The following IGF1R variants were observed in gnomAD, a reference collection of about 807,000 sequenced individuals.
IGF1R encodes insulin-like growth factor 1 receptor.
In IGF1R, 44 loss-of-function variants were observed where a neutral mutation model predicts 144.6. The observed-to-expected ratio is 0.30, with a 90% CI of 0.24 to 0.39. The LOEUF is 0.39. Ranked by LOEUF, IGF1R falls within the 10% of genes least tolerant of loss-of-function variation. IGF1R has a pLI of 1.00. For synonymous variants in IGF1R, 795 were observed against 722.8 expected (o/e 1.10, Z -1.60); for missense variants, 1,355 against 1,833.7 (o/e 0.74, Z 4.77).
At chr15:98,806,847 G>A (rs1051346168) in intron 2 of IGF1R, among the ~76,000 whole-genome samples, 5 of 152,144 alleles carry the variant, frequency 3.3e-5, no homozygotes, top group Non-Finnish European at 7.3e-5. Context: ...TAAGCCTAAC[G>A]TGATCATTAA....
chr15:98,671,249 T>C (rs1043668134), intron 1 of IGF1R, among the ~76,000 whole-genome samples: 7 of 152,232 alleles, frequency 4.6e-5, no homozygotes, highest in African/African-American at 1.7e-4. Context: ...GTATAGTCTT[T>C]CCTGAAAACA....
intron 2 of IGF1R, among the ~76,000 whole-genome samples, chr15:98,806,784 G>C (rs1423298910): frequency 6.6e-6 from 1 of 152,170 alleles, no homozygotes; most frequent in Non-Finnish European, 1.5e-5. Context: ...ACCAGTGTTA[G>C]GCCCATACAT....
chr15:98,817,771 A>G (rs981701748), intron 2 of IGF1R, among the ~76,000 whole-genome samples: 2 of 152,206 alleles, frequency 1.3e-5, no homozygotes, highest in Non-Finnish European at 2.9e-5. Flanking sequence ...GAAGTTGAAT[A>G]GTCTTCCATA....
intron 1 of IGF1R, among the ~76,000 whole-genome samples, chr15:98,688,430 G>A (rs1596188429): frequency 8.2e-6 from 1 of 121,744 alleles, no homozygotes; most frequent in African/African-American, 4.5e-5. Flanking sequence ...GTGTGTGTGT[G>A]TGTGTGTGTG....
chr15:98,943,174 T>G, intron 19 of IGF1R, 122 bp downstream of exon 19: 1 of 1,148,148 alleles, frequency 8.7e-7, no homozygotes. Flanking sequence ...TTTAGCTCAG[T>G]GTTGTGTGAG....
chr15:98,758,556 TGGGAACA>T (rs2055215183), intron 2 of IGF1R, among the ~76,000 whole-genome samples: 4 of 152,212 alleles, frequency 2.6e-5, no homozygotes, highest in Admixed American at 6.5e-5. Context: ...ACATAAGGCT[TGGGAACA>T]GTTCCACCTT....
At chr15:98,954,514 C>T (rs2016902485) in intron 20 of IGF1R, 1 of 152,120 alleles carries the variant, frequency 6.6e-6, no homozygotes, top group Non-Finnish European at 1.5e-5. Flanking sequence ...TCTTGAATCC[C>T]ACAGAGCAAA....
Position 98,957,516 on chromosome 15 carries a change from TAAC to T in IGF1R, c.*77_*79del, listed in dbSNP as rs1363685768. The T allele has an allele frequency of 7.6e-6, 12 of 1,587,206 alleles. No individual in the cohort carries two copies. The highest frequency in any genetic ancestry group is 4.0e-5 in the African/African-American group (3 of 74,462). ...CGGGGTGGGGGGGGAGAGAGAGTTT[TAAC>T]AATCCATTCACAAGCCTCCTGTACC... On this transcript the variant is annotated 3_prime_UTR_variant, in exon 21 of 21. Coordinates refer to ENST00000650285, the MANE Select transcript of IGF1R (RefSeq NM_000875.5).
intron 2 of IGF1R, among the ~76,000 whole-genome samples, chr15:98,810,355 A>T (rs757415901): frequency 2.8e-4 from 43 of 151,804 alleles, no homozygotes; most frequent in Non-Finnish European, 3.7e-4. Flanking sequence ...TCCACACTCC[A>T]CCCCCAAATT....
At chr15:98,745,822 G>A (rs1313146581) in intron 2 of IGF1R, among the ~76,000 whole-genome samples, 3 of 152,188 alleles carry the variant, frequency 2.0e-5, no homozygotes, top group Non-Finnish European at 2.9e-5. Flanking sequence ...AGTGTAAAAC[G>A]GTACAACCTT....
At position 98,684,231 on chromosome 15, in the gene IGF1R, A is replaced by G. The variant is rs75419468; in HGVS notation, c.95-23331A>G. Among the ~76,000 whole-genome samples the G allele has an allele frequency of 9.3e-4, 140 of 151,002 alleles. 1 individual carries two copies. The highest frequency in any genetic ancestry group is 3.4e-3 in the African/African-American group (138 of 40,636). On this transcript the variant is annotated intron_variant, in intron 1 of 20. Transcript: ENST00000650285. ...GTGTTATGAACAACTTGCAATTTTC[A>G]TAGTTTTCAGTTTTAGCTCTGGCAG...
At chr15:98,887,969 C>G (rs570961168) in intron 2 of IGF1R, among the ~76,000 whole-genome samples, 1 of 152,370 alleles carries the variant, frequency 6.6e-6, no homozygotes, top group Admixed American at 6.5e-5. Flanking sequence ...CCTTCAGTGC[C>G]TCCCCGGGCA....
chr15:98,718,653 G>A (rs753011133), intron 2 of IGF1R, among the ~76,000 whole-genome samples: 1 of 152,220 alleles, frequency 6.6e-6, no homozygotes, highest in Non-Finnish European at 1.5e-5. Flanking sequence ...TGCCATTCTG[G>A]ATTTCCGGAT....
chr15:98,773,919 G>T (rs1427210353), intron 2 of IGF1R, among the ~76,000 whole-genome samples: 1 of 152,200 alleles, frequency 6.6e-6, no homozygotes, highest in East Asian at 1.9e-4. Context: ...GACAACCGCA[G>T]TAGTAGCCCA....
At chr15:98,758,118 T>C (rs1339393621) in intron 2 of IGF1R, among the ~76,000 whole-genome samples, 2 of 152,210 alleles carry the variant, frequency 1.3e-5, no homozygotes, top group African/African-American at 2.4e-5. Flanking sequence ...TTCCTTGCTC[T>C]TGGGCGCTCG....
At chr15:98,676,378 C>T (rs1320880731) in intron 1 of IGF1R, among the ~76,000 whole-genome samples, 3 of 152,206 alleles carry the variant, frequency 2.0e-5, no homozygotes, top group Admixed American at 6.5e-5. Context: ...CCTTGCGATC[C>T]GCCTGCCTCG....
chr15:98,792,436 A>C (rs1157855883), intron 2 of IGF1R, among the ~76,000 whole-genome samples: 1 of 152,194 alleles, frequency 6.6e-6, no homozygotes, highest in Non-Finnish European at 1.5e-5. Context: ...AAATTAGCAA[A>C]ATCTTCCTAT....
At chr15:98,840,388 A>C (rs2011153134) in intron 2 of IGF1R, among the ~76,000 whole-genome samples, 1 of 152,228 alleles carries the variant, frequency 6.6e-6, no homozygotes, top group South Asian at 2.1e-4. Context: ...GGGAACGGTG[A>C]GTAAGTAGTA....
chr15:98,721,011 C>A (rs548710982), intron 2 of IGF1R, among the ~76,000 whole-genome samples: 3 of 152,106 alleles, frequency 2.0e-5, no homozygotes, highest in Non-Finnish European at 4.4e-5. Context: ...AAAATACTTT[C>A]TCAGTGGTTT....
Sources: gnomAD v4.1 joint callset for allele counts (sites outside exome capture counted in the v4.1 genomes callset) on GRCh38, gnomAD v4.1.1 for gene constraint, MANE v1.5 for transcripts, NCBI Gene and HGNC (gene_info 2026-07-23, HGNC 2026-07-21) for gene names.